The following CRTAC1 variants were observed in gnomAD, a reference collection of about 807,000 sequenced individuals.
CRTAC1 encodes the protein acidic secreted protein in cartilage.
A neutral mutation model predicts 67.8 loss-of-function variants in CRTAC1; 37 were observed. The ratio of observed to expected loss-of-function variants is 0.55; its 90% CI spans 0.42 to 0.72. The LOEUF (loss-of-function observed/expected upper bound fraction) is 0.72. Ranked by LOEUF, CRTAC1 falls within the 30% of genes least tolerant of loss-of-function variation. CRTAC1 has a pLI of 0.00. For synonymous variants in CRTAC1, 348 were observed against 371.0 expected (o/e 0.94, Z 0.71); for missense variants, 780 against 931.6 (o/e 0.84, Z 2.12).
chr10:97,924,733 G>C (rs768120407), intron 3 of CRTAC1, among the ~76,000 whole-genome samples: 6 of 152,180 alleles, frequency 3.9e-5, no homozygotes, highest in Admixed American at 3.9e-4. Flanking sequence ...GCTATTTTTC[G>C]ACAGGAATGA....
At chr10:97,905,548 G>A (rs1344240937) in intron 6 of CRTAC1, among the ~76,000 whole-genome samples, 2 of 152,142 alleles carry the variant, frequency 1.3e-5, no homozygotes, top group Non-Finnish European at 1.5e-5. Context: ...GTGCGGTTAC[G>A]TTCCTTTGTG....
rs776957650 is a variant in CRTAC1, at chr10:97,917,508, T to C, written c.707A>G (p.Lys236Arg). Residue 236 changes from lysine to arginine, a missense_variant, in exon 5 of 15, where the codon AAA (lysine) becomes AGA (arginine). Transcript: ENST00000370597. Reference sequence around the variant, plus strand: ...CATGTCACTCTGCATACCTGTATATTTGCTGACCCCAGCCTCAGCAGCCAC... The same window carrying C: ...CATGTCACTCTGCATACCTGTATATCTGCTGACCCCAGCCTCAGCAGCCAC... ...RDVAAEAGVSKYTGGRGVSVG... is the reference protein window; with the variant it reads ...RDVAAEAGVSRYTGGRGVSVG... 1.8e-5 allele frequency: 29 copies of C among 1,577,752 alleles called. No homozygotes were observed. Among genetic ancestry groups the C allele is most frequent in the Non-Finnish European group, 2.4e-5 (28 of 1,157,076 alleles).
intron 13 of CRTAC1, 106 bp from the exon 14 acceptor site, chr10:97,880,498 G>A (rs10883009): frequency 0.25 from 343,044 of 1,397,130 alleles, 42,370 homozygotes; most frequent in Admixed American, 0.27. Context: ...TGCCTTCCTC[G>A]CAGAGCCTCA....
chr10:97,931,624 C>T (rs1222712837), intron 3 of CRTAC1, among the ~76,000 whole-genome samples: 1 of 152,224 alleles, frequency 6.6e-6, no homozygotes, highest in Non-Finnish European at 1.5e-5. Context: ...GAGGGAGACA[C>T]ATAAATTATT....
intron 1 of CRTAC1, among the ~76,000 whole-genome samples, chr10:98,019,831 G>A (rs1363425479): frequency 6.6e-6 from 1 of 152,170 alleles, no homozygotes; most frequent in Non-Finnish European, 1.5e-5. Flanking sequence ...TGGAATAAAG[G>A]TGGCATTTCC....
intron 2 of CRTAC1, among the ~76,000 whole-genome samples, chr10:98,009,241 T>G (rs899574003): frequency 6.6e-6 from 1 of 152,246 alleles, no homozygotes; most frequent in Non-Finnish European, 1.5e-5. Context: ...ATTTAAAAAT[T>G]CAGTTCCTTG....
chr10:97,899,664 A>C (rs1273719846), intron 8 of CRTAC1, among the ~76,000 whole-genome samples: 1 of 152,254 alleles, frequency 6.6e-6, no homozygotes, highest in Non-Finnish European at 1.5e-5. Flanking sequence ...GGGTGATTAC[A>C]TCCAGTCAGG....
At position 97,903,278 on chromosome 10, in the gene CRTAC1, T is replaced by C. The variant is rs1406129915; in HGVS notation, c.996+1391A>G. 4.8e-5 allele frequency among the ~76,000 whole-genome samples: 7 copies of C among 145,690 alleles called. No individual in the cohort carries two copies. In the East Asian group the frequency reaches 1.4e-3, roughly 29 times the overall value. On this transcript the variant is annotated intron_variant, in intron 7 of 14. Transcript: ENST00000370597. ...CTATCCCTGGGCTCTGCATACTAGA[T>C]GCCAGGAGCCCTCCCTTCCCCAGCT...
chr10:97,933,846 G>A lies in CRTAC1; in HGVS notation c.421+2324C>T, dbSNP rs554084187. ...TTCCACCTTGGTGTATGCAGGAATCGCCTGGAGGTCTTTACCATCTGGTGA... is the reference window on the plus strand; with the variant it reads ...TTCCACCTTGGTGTATGCAGGAATCACCTGGAGGTCTTTACCATCTGGTGA... On this transcript the variant is annotated intron_variant, in intron 3 of 14. Coordinates refer to ENST00000370597, the MANE Select transcript of CRTAC1 (RefSeq NM_018058.7). 9.2e-5 allele frequency among the ~76,000 whole-genome samples: 14 copies of A among 152,300 alleles called. No homozygotes were observed. The South Asian group carries it at 1.5e-3, about 16-fold the overall frequency.
At chr10:98,026,342 G>A (rs559229432) in intron 1 of CRTAC1, among the ~76,000 whole-genome samples, 1 of 152,286 alleles carries the variant, frequency 6.6e-6, no homozygotes, top group Non-Finnish European at 1.5e-5. Context: ...ATCTGGTGGG[G>A]CTCATAAAAG....
rs982325067 is a variant in CRTAC1, at chr10:97,895,582, C to T, written c.1318-169G>A. ...AGCCAAACAAGAAAAATGAATGAGG[C>T]GAAGACAGATTGGCTGAATGAAGGA... On this transcript the variant is annotated intron_variant, in intron 10 of 14. Transcript: ENST00000370597. This position sits in a 1 kb window ranked among gnomAD's most constrained non-coding sequence, Gnocchi z 4.2. Among the ~76,000 whole-genome samples the T allele has an allele frequency of 7.9e-5, 12 of 151,992 alleles. No homozygotes were observed. Among genetic ancestry groups the T allele is most frequent in the South Asian group, 2.1e-4 (1 of 4,804 alleles).
At chr10:97,952,351 CA>C (rs1049665428) in intron 2 of CRTAC1, among the ~76,000 whole-genome samples, 34 of 139,652 alleles carry the variant, frequency 2.4e-4, no homozygotes, top group African/African-American at 2.4e-4. Context: ...GACTCCATCT[CA>C]AAAAAAAATA....
intron 1 of CRTAC1, among the ~76,000 whole-genome samples, chr10:98,017,559 G>T (rs575954549): frequency 6.6e-6 from 1 of 151,918 alleles, no homozygotes; most frequent in Non-Finnish European, 1.5e-5. Flanking sequence ...TTTGAGATAG[G>T]GTCTCACTCT....
intron 2 of CRTAC1, among the ~76,000 whole-genome samples, chr10:98,001,351 C>T (rs576854474): frequency 1.6e-4 from 24 of 152,192 alleles, no homozygotes; most frequent in Non-Finnish European, 2.5e-4. Flanking sequence ...TCTCTGTGAA[C>T]GCAAGCAGGT....
chr10:97,878,827 G>T, intron 14 of CRTAC1: 3 of 693,400 alleles, frequency 4.3e-6, no homozygotes, highest in Non-Finnish European at 6.2e-6. Flanking sequence ...GGCACAGCAT[G>T]GAGAAGTGAC....
intron 2 of CRTAC1, among the ~76,000 whole-genome samples, chr10:97,960,514 C>T (rs934995299): frequency 6.6e-6 from 1 of 152,200 alleles, no homozygotes; most frequent in Admixed American, 6.5e-5. Flanking sequence ...TAACTGCTTA[C>T]ATAATAAATC....
At chr10:97,954,597 G>A (rs1316926090) in intron 2 of CRTAC1, among the ~76,000 whole-genome samples, 1 of 152,162 alleles carries the variant, frequency 6.6e-6, no homozygotes, top group African/African-American at 2.4e-5. Context: ...ACATGCCCTA[G>A]GCCTTCATCT....
intron 2 of CRTAC1, among the ~76,000 whole-genome samples, chr10:97,965,834 A>G (rs574591751): frequency 6.6e-6 from 1 of 152,306 alleles, no homozygotes; most frequent in Admixed American, 6.5e-5. Flanking sequence ...CAGTTGTCGA[A>G]CTGAGCTGTG....
intron 7 of CRTAC1, 80 bp from the exon 8 acceptor site, chr10:97,901,719 G>A (rs1278895651): frequency 1.3e-6 from 2 of 1,546,556 alleles, no homozygotes; most frequent in Admixed American, 1.8e-5. Flanking sequence ...GGAGTGTGGG[G>A]GCAATTAAAA....
Sources: gnomAD v4.1 joint callset for allele counts (sites outside exome capture counted in the v4.1 genomes callset) on GRCh38, gnomAD v4.1.1 for gene constraint, Gnocchi (gnomAD v3.1) non-coding constraint, MANE v1.5 for transcripts, NCBI Gene and HGNC (gene_info 2026-07-23, HGNC 2026-07-21) for gene names.